Variants in ZCWPW2 observed in about 807,000 individuals in gnomAD.
ZCWPW2 encodes zinc finger CW-type PWWP domain protein 2.
Under a neutral mutation model 46.6 loss-of-function variants are expected in ZCWPW2, and 45 were observed. The ratio of observed to expected loss-of-function variants is 0.96; its 90% confidence interval spans 0.76 to 1.24. ZCWPW2 has a LOEUF of 1.24. ZCWPW2 is among the 50% of genes most tolerant of loss of function. The pLI is 0.00. For missense variants in ZCWPW2, 429 were observed against 403.9 expected, an observed-to-expected ratio of 1.06 and a Z score of -0.53; for synonymous variants, 152 against 137.1, an observed-to-expected ratio of 1.11 and a Z score of -0.76.
intron 3 of ZCWPW2, among the ~76,000 whole-genome samples, chr3:28,414,300 A>C (rs550492407): frequency 6.6e-6 from 1 of 151,324 alleles, no homozygotes; most frequent in Non-Finnish European, 1.5e-5. Context: ...TTACAAAAAA[A>C]TTTTTCATTA....
At chr3:28,380,961 T>G (rs1197123927) in intron 1 of ZCWPW2, among the ~76,000 whole-genome samples, 10,119 of 55,354 alleles carry the variant, frequency 0.18, 3,414 homozygotes, top group Middle Eastern at 0.22. Flanking sequence ...TATATATATA[T>G]ATATATATAT....
At chr3:28,515,700 A>G (rs1172994138) in intron 8 of ZCWPW2, 79 bp downstream of exon 8, 15 of 1,214,734 alleles carry the variant, frequency 1.2e-5, no homozygotes, top group Non-Finnish European at 1.6e-5. Flanking sequence ...CCTTTGAAGG[A>G]AAAAAAAAGA....
chr3:28,458,141 A>G (rs1323112939), intron 4 of ZCWPW2, among the ~76,000 whole-genome samples: 2 of 152,186 alleles, frequency 1.3e-5, no homozygotes, highest in Non-Finnish European at 2.9e-5. Flanking sequence ...ATCGTTTTGT[A>G]GCAGCTTAAC....
At chr3:28,462,157 C>G (rs1698664549) in intron 4 of ZCWPW2, among the ~76,000 whole-genome samples, 1 of 152,062 alleles carries the variant, frequency 6.6e-6, no homozygotes, top group Admixed American at 6.6e-5. Context: ...AAGGCCAGGG[C>G]CACTGCGAGG....
At chr3:28,350,767 G>T (rs1704520081) in intron 1 of ZCWPW2, among the ~76,000 whole-genome samples, 1 of 151,836 alleles carries the variant, frequency 6.6e-6, no homozygotes, top group Non-Finnish European at 1.5e-5. Flanking sequence ...ATCAGGGAAA[G>T]ACCTCTGATA....
At chr3:28,466,361 G>C (rs1353115945) in intron 4 of ZCWPW2, among the ~76,000 whole-genome samples, 1 of 152,260 alleles carries the variant, frequency 6.6e-6, no homozygotes, top group Middle Eastern at 3.4e-3. Flanking sequence ...AAAAAATAAA[G>C]AAGTAACCAT....
intron 3 of ZCWPW2, among the ~76,000 whole-genome samples, chr3:28,431,851 A>T (rs1697270880): frequency 6.6e-6 from 1 of 152,172 alleles, no homozygotes; most frequent in Admixed American, 6.5e-5. Context: ...TATAAAGAAA[A>T]GAGGTTTAAT....
At chr3:28,465,489 C>T (rs73822643) in intron 4 of ZCWPW2, among the ~76,000 whole-genome samples, 3,146 of 152,108 alleles carry the variant, frequency 0.021, 106 homozygotes, top group African/African-American at 0.062. Flanking sequence ...TAAATAAATG[C>T]GAATTACTTC....
At chr3:28,468,325 C>A (rs536043307) in intron 4 of ZCWPW2, among the ~76,000 whole-genome samples, 1 of 151,718 alleles carries the variant, frequency 6.6e-6, no homozygotes, top group African/African-American at 2.4e-5. Flanking sequence ...AGAAAATAGC[C>A]TCAAGAGGGC....
chr3:28,413,088 A>G lies in ZCWPW2; in HGVS notation c.20A>G (p.Asp7Gly). ...GCCTTAATGGATAAAGAAAAATTGGATGTTAAGATTGAATATTGTAACTAT... is the reference window on the plus strand; with the variant it reads ...GCCTTAATGGATAAAGAAAAATTGGGTGTTAAGATTGAATATTGTAACTAT... Reference protein sequence around the residue: MDKEKLDVKIEYCNYAM... With the variant: MDKEKLGVKIEYCNYAM... The change falls in exon 3 of 10, where the codon GAT becomes GGT. Residue 7 changes from aspartate to glycine, a missense_variant. By Grantham distance (94) the Asp-to-Gly change is moderately conservative. Coordinates refer to ENST00000383768, the MANE Select transcript of ZCWPW2 (RefSeq NM_001040432.4). 1 of 1,609,670 alleles carries G rather than the reference A, an allele frequency of 6.2e-7. No homozygotes were observed. Among genetic ancestry groups the G allele is most frequent in the South Asian group, 1.1e-5 (1 of 90,716 alleles).
intron 4 of ZCWPW2, among the ~76,000 whole-genome samples, chr3:28,474,986 G>T (rs1699186095): frequency 6.6e-6 from 1 of 151,210 alleles, no homozygotes; most frequent in Non-Finnish European, 1.5e-5. Context: ...ATGCTACCAC[G>T]CCCGGCTAAC....
chr3:28,363,528 A>T (rs1705015503), intron 1 of ZCWPW2, among the ~76,000 whole-genome samples: 1 of 152,298 alleles, frequency 6.6e-6, no homozygotes, highest in East Asian at 1.9e-4. Context: ...CTAGAAGCAC[A>T]GCCCCACTCA....
chr3:28,486,729 G>A (rs999763675), intron 5 of ZCWPW2, among the ~76,000 whole-genome samples: 4 of 151,974 alleles, frequency 2.6e-5, no homozygotes, highest in South Asian at 4.1e-4. Context: ...TCAAAAATTA[G>A]CCAGGTATTC....
rs183749012 is a variant in ZCWPW2 at position 28,443,033 on chromosome 3, C to T, written c.492+7764C>T. Among the ~76,000 whole-genome samples, 19 of 152,238 alleles carry T rather than the reference C, an allele frequency of 1.2e-4. No individual in the cohort carries two copies. In the East Asian group the frequency reaches 1.7e-3, roughly 14 times the overall value. On this transcript the variant is annotated intron_variant, in intron 4 of 9. Coordinates refer to ENST00000383768, the MANE Select transcript of ZCWPW2 (RefSeq NM_001040432.4). ...CTGCCTGCTGCTAAATATGTCTATG[C>T]GAATTATGCATTCTGGCACTGGGGA...
At chr3:28,370,600 T>A (rs1276325448) in intron 1 of ZCWPW2, among the ~76,000 whole-genome samples, 2 of 152,180 alleles carry the variant, frequency 1.3e-5, no homozygotes, top group Non-Finnish European at 2.9e-5. Flanking sequence ...TTATAAGATA[T>A]CTAAGGTGGT....
intron 1 of ZCWPW2, among the ~76,000 whole-genome samples, chr3:28,382,304 T>A (rs1476695563): frequency 1.3e-5 from 2 of 152,150 alleles, no homozygotes; most frequent in Admixed American, 6.5e-5. Flanking sequence ...CAGACCTCTC[T>A]TTTTGGCTTG....
At chr3:28,378,092 G>A (rs1202405515) in intron 1 of ZCWPW2, among the ~76,000 whole-genome samples, 1 of 151,894 alleles carries the variant, frequency 6.6e-6, no homozygotes, top group African/African-American at 2.4e-5. Flanking sequence ...TTATCCACCA[G>A]TATCTGCATA....
Position 28,413,115 on chromosome 3 carries a change from C to T in ZCWPW2, c.47C>T (p.Ala16Val). ...LDVKIEYCNY[A>V]MDSSVENMYV... ...GTTAAGATTGAATATTGTAACTATGCAATGGATTCCTCAGTGGAAAACATG... is the reference window on the plus strand; with the variant it reads ...GTTAAGATTGAATATTGTAACTATGTAATGGATTCCTCAGTGGAAAACATG... Residue 16 changes from alanine (A) to valine (V), a missense_variant, in exon 3 of 10, where the codon GCA becomes GTA. Physicochemically the swap from Ala to Val is moderately conservative, Grantham distance 64. Transcript: ENST00000383768. 1.2e-6 allele frequency: 2 copies of T among 1,612,642 alleles called. No individual in the cohort carries two copies. The highest frequency in any genetic ancestry group is 1.7e-6 in the Non-Finnish European group (2 of 1,179,222).
chr3:28,393,393 T>G (rs1212182052), intron 2 of ZCWPW2, among the ~76,000 whole-genome samples: 3 of 152,164 alleles, frequency 2.0e-5, no homozygotes, highest in Non-Finnish European at 2.9e-5. Flanking sequence ...TCTTAAATTC[T>G]TCCAATAAAT....
Sources: allele counts gnomAD v4.1 joint callset (sites outside exome capture counted in the v4.1 genomes callset), GRCh38; gene constraint gnomAD v4.1.1; transcripts MANE v1.5; gene names NCBI Gene and HGNC (gene_info 2026-07-23, HGNC 2026-07-21).